PTPRG: variants seen among roughly 807,000 people sequenced by gnomAD.
PTPRG encodes the protein protein tyrosine phosphatase receptor type G, also known as receptor-type tyrosine-protein phosphatase gamma.
PTPRG carries 102 observed loss-of-function variants against 165.3 expected under a neutral mutation model. The ratio of observed to expected loss-of-function variants is 0.62; its 90% CI spans 0.53 to 0.73. PTPRG has a LOEUF of 0.73. Among genes scored for constraint, PTPRG ranks in the 30% least tolerant of loss-of-function variants. The pLI, the probability that PTPRG is intolerant of heterozygous loss-of-function variation, is 0.00. For synonymous variants in PTPRG, 675 were observed against 669.5 expected (o/e 1.01, Z -0.13); for missense variants, 1,866 against 1,861.4 (o/e 1.00, Z -0.05).
At chr3:61,752,797 A>AAAAAAGAAAAG (rs1553660809) in intron 2 of PTPRG, among the ~76,000 whole-genome samples, 3 of 103,996 alleles carry the variant, frequency 2.9e-5, no homozygotes, top group Non-Finnish European at 6.3e-5. Context: ...AAAAAAAAAA[A>AAAAAAGAAAAG]AAAAGAAAAA....
chr3:61,563,192 C>T (rs1699811401), intron 1 of PTPRG, among the ~76,000 whole-genome samples: 1 of 151,742 alleles, frequency 6.6e-6, no homozygotes, highest in Non-Finnish European at 1.5e-5. Flanking sequence ...CTGTTCGCGC[C>T]GGGGCTGATT....
chr3:62,290,665 C>G (rs189917648), intron 28 of PTPRG, among the ~76,000 whole-genome samples: 26 of 152,166 alleles, frequency 1.7e-4, no homozygotes, highest in African/African-American at 5.8e-4. Context: ...AAGCTGATGT[C>G]AGTGAGAAAA....
intron 8 of PTPRG, among the ~76,000 whole-genome samples, chr3:62,171,268 C>A (rs1705205319): frequency 6.6e-6 from 1 of 152,136 alleles, no homozygotes; most frequent in African/African-American, 2.4e-5. Flanking sequence ...TGGGCATACA[C>A]CCAGGAGTAA....
chr3:62,124,346 A>T (rs1048104494), intron 5 of PTPRG: 3 of 1,612,698 alleles, frequency 1.9e-6, no homozygotes, highest in Non-Finnish European at 2.5e-6. Context: ...CTGGTGATGC[A>T]GGCTGACAAT....
chr3:61,588,613 T>A (rs939419598), intron 1 of PTPRG, among the ~76,000 whole-genome samples: 1 of 152,124 alleles, frequency 6.6e-6, no homozygotes, highest in African/African-American at 2.4e-5. Context: ...TCCCTGCTAA[T>A]TTTTTGTATT....
intron 2 of PTPRG, among the ~76,000 whole-genome samples, chr3:61,927,967 G>C (rs1260904740): frequency 2.6e-5 from 4 of 152,140 alleles, no homozygotes; most frequent in Non-Finnish European, 5.9e-5. Context: ...GCGGTGGTCA[G>C]AAAGCCATCT....
rs566341416 is a variant in PTPRG at position 62,000,736 on chromosome 3, CTT to C, written c.371-2611_371-2610del. Among the ~76,000 whole-genome samples the C allele has an allele frequency of 4.2e-3, 634 of 152,306 alleles. 2 individuals are homozygous for C. The highest frequency in any genetic ancestry group is 0.015 in the African/African-American group (609 of 41,574). ...GAGAAAGTGTTGCTTTAAAGTATAA[CTT>C]TCTCTGAAAACAGAGAGTTACACCT... is the stretch of plus-strand genomic sequence containing the variant. On this transcript the variant is annotated intron_variant, in intron 3 of 29. Coordinates refer to ENST00000474889, the MANE Select transcript of PTPRG (RefSeq NM_002841.4).
chr3:62,077,277 TA>T (rs11329129), intron 4 of PTPRG, among the ~76,000 whole-genome samples: 2,344 of 138,186 alleles, frequency 0.017, 50 homozygotes, highest in East Asian at 0.11. Flanking sequence ...TTTGTTTGTT[TA>T]AAAAAAAAAA....
chr3:61,851,388 G>T (rs680958), intron 2 of PTPRG, among the ~76,000 whole-genome samples: 23,914 of 151,958 alleles, frequency 0.16, 1,898 homozygotes, highest in Middle Eastern at 0.19. Flanking sequence ...GGATCTAGTT[G>T]GGAAACATAT....
chr3:61,746,237 G>C (rs1404130416), intron 1 of PTPRG, among the ~76,000 whole-genome samples: 2 of 36,320 alleles, frequency 5.5e-5, no homozygotes, highest in African/African-American at 2.2e-4. Context: ...TTTTTTTTTT[G>C]AGACAGAATC....
In PTPRG at chr3:62,129,613, G is replaced by A. The variant is rs573793135; in HGVS notation, c.616-2989G>A. ...TCACTTTTATAACAAATTCCCTCTA[G>A]CAATAATGATGATAATCTATTCATG... On this transcript the variant is annotated intron_variant, in intron 5 of 29. Coordinates refer to ENST00000474889, the MANE Select transcript of PTPRG (RefSeq NM_002841.4). 3.3e-5 allele frequency among the ~76,000 whole-genome samples: 5 copies of A among 152,220 alleles called. No homozygotes were observed. In the East Asian group the frequency reaches 7.7e-4, roughly 24 times the overall value.
intron 1 of PTPRG, among the ~76,000 whole-genome samples, chr3:61,577,816 G>T (rs147385551): frequency 6.6e-6 from 1 of 152,166 alleles, no homozygotes; most frequent in Non-Finnish European, 1.5e-5. Flanking sequence ...CCTTCAAAAT[G>T]TAGGGCTAAG....
chr3:61,765,197 A>C (rs114078397), intron 2 of PTPRG, among the ~76,000 whole-genome samples: 3 of 152,226 alleles, frequency 2.0e-5, no homozygotes, highest in South Asian at 2.1e-4. Context: ...ATGGTGTTCA[A>C]TCATCTTTGG....
chr3:61,904,839 T>A (rs2038600297), intron 2 of PTPRG, among the ~76,000 whole-genome samples: 1 of 152,202 alleles, frequency 6.6e-6, no homozygotes, highest in Admixed American at 6.5e-5. Flanking sequence ...TACCCTGGGT[T>A]TTCATCCTAG....
At chr3:61,974,910 A>C (rs758028224) in intron 2 of PTPRG, among the ~76,000 whole-genome samples, 2 of 152,210 alleles carry the variant, frequency 1.3e-5, no homozygotes, top group Non-Finnish European at 2.9e-5. Context: ...ATTGTCCTTC[A>C]GATTTGCCTA....
At chr3:62,239,360 C>CTTTTTTTTTTTTTTTTTTTTTTT (rs776921598) in intron 14 of PTPRG, among the ~76,000 whole-genome samples, 13 of 124,514 alleles carry the variant, frequency 1.0e-4, no homozygotes, top group Non-Finnish European at 1.7e-4. Context: ...TTTTTTCTTT[C>CTTTTTTTTTTTTTTTTTTTTTTT]TTTTTTTTTT....
chr3:61,867,210 C>G (rs1422526775), intron 2 of PTPRG, among the ~76,000 whole-genome samples: 1 of 152,192 alleles, frequency 6.6e-6, no homozygotes, highest in Non-Finnish European at 1.5e-5. Flanking sequence ...ATCATACCCC[C>G]TGCCTCCCAG....
intron 2 of PTPRG, among the ~76,000 whole-genome samples, chr3:61,977,759 T>G (rs972639518): frequency 6.6e-6 from 1 of 152,346 alleles, no homozygotes; most frequent in South Asian, 2.1e-4. Context: ...CCTCTCCCTG[T>G]GTTAATGTTA....
chr3:62,290,112 T>TTAATAGGGGTAATAAACTCTA (rs1399656656), intron 28 of PTPRG, among the ~76,000 whole-genome samples: 1 of 151,938 alleles, frequency 6.6e-6, no homozygotes, highest in East Asian at 1.9e-4. Flanking sequence ...AAGGAGGCCA[T>TTAATAGGGGTAATAAACTCTA]TAATAGGGGT....
Sources: gnomAD v4.1 joint callset for allele counts (sites outside exome capture counted in the v4.1 genomes callset) on GRCh38, gnomAD v4.1.1 for gene constraint, MANE v1.5 for transcripts, NCBI Gene and HGNC (gene_info 2026-07-23, HGNC 2026-07-21) for gene names.